Variants in RARB observed in about 807,000 individuals in gnomAD.
The protein encoded by RARB is retinoic acid receptor beta, also known as HBV-activated protein.
Under a neutral mutation model 51.9 loss-of-function variants are expected in RARB, and 17 were observed. The ratio of observed to expected loss-of-function variants is 0.33; its 90% CI spans 0.22 to 0.49. The LOEUF (loss-of-function observed/expected upper bound fraction) is 0.49. Among genes scored for constraint, RARB ranks in the 20% least tolerant of loss-of-function variants. The probability of loss-of-function intolerance (pLI) is 0.99; values close to 1 mark genes in which losing one functional copy is unlikely to be tolerated. For synonymous variants in RARB, 215 were observed against 195.4 expected (o/e 1.10, Z -0.84); for missense variants, 369 against 550.8 (o/e 0.67, Z 3.30).
chr3:25,009,564 G>A (rs1373651270), intron 2 of RARB, among the ~76,000 whole-genome samples: 1 of 152,016 alleles, frequency 6.6e-6, no homozygotes, highest in East Asian at 1.9e-4. Context: ...TTAGGAGTAG[G>A]TGTCTCTGTA....
At chr3:25,104,720 A>G (rs983106918) in intron 3 of RARB, among the ~76,000 whole-genome samples, 2 of 152,222 alleles carry the variant, frequency 1.3e-5, no homozygotes, top group African/African-American at 4.8e-5. Context: ...AGGCCCATCA[A>G]TGTTAGACAT....
intron 2 of RARB, among the ~76,000 whole-genome samples, chr3:24,972,364 G>A (rs1696418875): frequency 6.6e-6 from 1 of 151,888 alleles, no homozygotes; most frequent in Admixed American, 6.6e-5. Flanking sequence ...TGTATATACT[G>A]TACTTTCTTT....
chr3:25,113,798 A>C (rs568283043), intron 3 of RARB, among the ~76,000 whole-genome samples: 2 of 152,298 alleles, frequency 1.3e-5, no homozygotes, highest in East Asian at 3.9e-4. Flanking sequence ...GCCAGTGACC[A>C]CCAAGACAGG....
At chr3:25,136,041 T>C (rs1158922986) in intron 4 of RARB, among the ~76,000 whole-genome samples, 2 of 152,040 alleles carry the variant, frequency 1.3e-5, no homozygotes, top group Non-Finnish European at 2.9e-5. Context: ...ATTCCTTATC[T>C]GACCCAACCT....
At chr3:25,504,940 T>G (rs1697511102) in intron 3 of RARB, among the ~76,000 whole-genome samples, 1 of 152,020 alleles carries the variant, frequency 6.6e-6, no homozygotes, top group African/African-American at 2.4e-5. Flanking sequence ...GTATCTTTAG[T>G]AGAGATGGCG....
chr3:25,416,204 A>T (rs980887147), intron 5 of RARB, among the ~76,000 whole-genome samples: 1 of 152,204 alleles, frequency 6.6e-6, no homozygotes, highest in Non-Finnish European at 1.5e-5. Context: ...CAATGTAGTG[A>T]TACCTCATCT....
chr3:24,996,031 C>G lies in RARB; in HGVS notation c.-379-64094C>G, dbSNP rs568356464. On this transcript the variant is annotated intron_variant, in intron 2 of 11. Coordinates refer to the RARB transcript ENST00000383772. ...TATTTTGTAATAGTTTGAAAAGAAT[C>G]TGTTATTAATTGTTCTTTAAAAGTT... Among the ~76,000 whole-genome samples, 142 of 151,996 alleles carry G rather than the reference C, an allele frequency of 9.3e-4. 1 individual carries two copies. Among genetic ancestry groups the G allele is most frequent in the Non-Finnish European group, 1.9e-3 (127 of 67,870 alleles).
At chr3:25,147,917 C>T (rs767822) in intron 4 of RARB, among the ~76,000 whole-genome samples, 2 of 152,212 alleles carry the variant, frequency 1.3e-5, no homozygotes, top group Non-Finnish European at 2.9e-5. Flanking sequence ...TTGAATACAT[C>T]TGTAATTGTG....
intron 2 of RARB, among the ~76,000 whole-genome samples, chr3:25,036,442 GA>G (rs1319045024): frequency 1.3e-5 from 2 of 152,136 alleles, no homozygotes; most frequent in Non-Finnish European, 2.9e-5. Flanking sequence ...TTACATGCCG[GA>G]AAAGAAACAA....
intron 5 of RARB, among the ~76,000 whole-genome samples, chr3:25,406,760 G>A (rs1361748658): frequency 6.6e-6 from 1 of 152,208 alleles, no homozygotes; most frequent in East Asian, 1.9e-4. Context: ...CTTAAAGCCA[G>A]ATCAGGCACA....
chr3:24,988,512 C>T (rs1696841750), intron 2 of RARB, among the ~76,000 whole-genome samples: 1 of 152,042 alleles, frequency 6.6e-6, no homozygotes, highest in Admixed American at 6.6e-5. Context: ...TTCCCTTGCT[C>T]CCCAGATAAG....
chr3:25,334,328 C>T (rs572083532), intron 5 of RARB, among the ~76,000 whole-genome samples: 3 of 152,114 alleles, frequency 2.0e-5, no homozygotes, highest in Non-Finnish European at 4.4e-5. Flanking sequence ...CACATATACA[C>T]CATGGAATAC....
At chr3:24,905,093 A>T (rs1185859606) in intron 2 of RARB, among the ~76,000 whole-genome samples, 3 of 152,158 alleles carry the variant, frequency 2.0e-5, no homozygotes, top group Non-Finnish European at 4.4e-5. Context: ...TATGTAACAA[A>T]CCTGCACGTT....
intron 1 of RARB, among the ~76,000 whole-genome samples, chr3:24,841,403 A>G (rs1702420041): frequency 6.6e-6 from 1 of 152,196 alleles, no homozygotes; most frequent in South Asian, 2.1e-4. Context: ...AGATGTAACC[A>G]TTACTCAAAC....
At chr3:25,552,065 G>A (rs1334008251) in intron 3 of RARB, among the ~76,000 whole-genome samples, 1 of 151,972 alleles carries the variant, frequency 6.6e-6, no homozygotes, top group Non-Finnish European at 1.5e-5. Flanking sequence ...AATAAACCTG[G>A]TTATGAACAA....
chr3:25,581,313 T>C (rs1701164964), intron 5 of RARB, among the ~76,000 whole-genome samples: 1 of 152,204 alleles, frequency 6.6e-6, no homozygotes, highest in African/African-American at 2.4e-5. Flanking sequence ...ACTTTCCCTA[T>C]GTTCTGATGC....
At chr3:25,514,930 A>T (rs1698084057) in intron 3 of RARB, among the ~76,000 whole-genome samples, 1 of 152,216 alleles carries the variant, frequency 6.6e-6, no homozygotes, top group African/African-American at 2.4e-5. Context: ...GGAAACTTGG[A>T]TATTGTGTCC....
At chr3:25,461,170 C>A (rs1384750696) in intron 1 of RARB, 23 bp from the exon 2 acceptor site, 1 of 1,525,662 alleles carries the variant, frequency 6.6e-7, no homozygotes, top group South Asian at 1.3e-5. Flanking sequence ...CTTTTTTCTC[C>A]CTCTACCCCA....
At chr3:25,025,606 A>G (rs921503605) in intron 2 of RARB, among the ~76,000 whole-genome samples, 5 of 152,204 alleles carry the variant, frequency 3.3e-5, no homozygotes, top group African/African-American at 1.2e-4. Flanking sequence ...TTACAAATGA[A>G]CAAAGTGGCC....
Sources: gnomAD v4.1 joint callset for allele counts (sites outside exome capture counted in the v4.1 genomes callset) on GRCh38, gnomAD v4.1.1 for gene constraint, MANE v1.5 for transcripts, NCBI Gene and HGNC (gene_info 2026-07-23, HGNC 2026-07-21) for gene names.